The following SDC2 variants were observed in gnomAD, a reference collection of about 807,000 sequenced individuals.
The protein encoded by SDC2 is syndecan 2.
A neutral mutation model predicts 22.2 loss-of-function variants in SDC2; 13 were observed. The observed-to-expected ratio is 0.59, with a 90% CI of 0.38 to 0.93. SDC2 has a LOEUF of 0.93. Among genes scored for constraint, SDC2 ranks in the 40% least tolerant of loss-of-function variants. SDC2 has a pLI of 0.00. For synonymous variants in SDC2, 94 were observed against 92.8 expected, an observed-to-expected ratio of 1.01 and a Z score of -0.07; for missense variants, 235 against 246.8, an observed-to-expected ratio of 0.95 and a Z score of 0.32.
intron 2 of SDC2, among the ~76,000 whole-genome samples, chr8:96,599,177 G>A (rs1166996488): frequency 6.6e-6 from 1 of 151,990 alleles, no homozygotes; most frequent in Non-Finnish European, 1.5e-5. Context: ...TCCTGACCTC[G>A]TGACCCACCG....
At chr8:96,503,761 T>C (rs1813200285) in intron 1 of SDC2, among the ~76,000 whole-genome samples, 1 of 152,214 alleles carries the variant, frequency 6.6e-6, no homozygotes, top group South Asian at 2.1e-4. Context: ...GCACCAGAGC[T>C]AGATTGTTGT....
At chr8:96,567,042 T>TG (rs1814311721) in intron 1 of SDC2, among the ~76,000 whole-genome samples, 1 of 152,256 alleles carries the variant, frequency 6.6e-6, no homozygotes, top group South Asian at 2.1e-4. Flanking sequence ...TTAGTAGAGA[T>TG]GGGGTTTCGC....
At chr8:96,529,235 A>G (rs1310177100) in intron 1 of SDC2, 1 of 152,262 alleles carries the variant, frequency 6.6e-6, no homozygotes, top group African/African-American at 2.4e-5. Flanking sequence ...TGGACATCAC[A>G]GTGAACCATT....
At chr8:96,509,836 G>C (rs2130438298) in intron 1 of SDC2, among the ~76,000 whole-genome samples, 1 of 152,304 alleles carries the variant, frequency 6.6e-6, no homozygotes, top group East Asian at 1.9e-4. Flanking sequence ...TCTGCTGCCT[G>C]TCACAGTCTA....
chr8:96,546,467 G>A (rs909978135), intron 1 of SDC2, among the ~76,000 whole-genome samples: 3 of 152,068 alleles, frequency 2.0e-5, no homozygotes, highest in African/African-American at 7.2e-5. Flanking sequence ...ACAATAGCTT[G>A]AAGAACAAAG....
intron 1 of SDC2, among the ~76,000 whole-genome samples, chr8:96,518,430 G>A (rs60900059): frequency 0.016 from 2,357 of 149,364 alleles, 61 homozygotes; most frequent in African/African-American, 0.055. Context: ...GCGCGATCTC[G>A]GCCCACTGCA....
chr8:96,540,640 A>G (rs558325664), intron 1 of SDC2, among the ~76,000 whole-genome samples: 4 of 152,042 alleles, frequency 2.6e-5, no homozygotes, highest in African/African-American at 7.2e-5. Flanking sequence ...CTTTCCCCCA[A>G]CACTCCTTTT....
chr8:96,503,780 G>T (rs1467710604), intron 1 of SDC2, among the ~76,000 whole-genome samples: 1 of 152,160 alleles, frequency 6.6e-6, no homozygotes, highest in African/African-American at 2.4e-5. Context: ...GTTTAAGTAA[G>T]TTCTGCTGAT....
At chr8:96,529,140 A>G (rs999734801) in intron 1 of SDC2, 2 of 152,344 alleles carry the variant, frequency 1.3e-5, no homozygotes, top group South Asian at 2.1e-4. Flanking sequence ...TAGTACCACA[A>G]ATCACTCTCA....
At chr8:96,595,614 T>C (rs1814861363) in intron 2 of SDC2, among the ~76,000 whole-genome samples, 1 of 152,154 alleles carries the variant, frequency 6.6e-6, no homozygotes, top group Admixed American at 6.5e-5. Context: ...GATCTTAGAA[T>C]CCAAGAGTTG....
intron 1 of SDC2, among the ~76,000 whole-genome samples, chr8:96,564,722 G>A (rs892535558): frequency 6.6e-6 from 1 of 152,072 alleles, no homozygotes; most frequent in Admixed American, 6.5e-5. Flanking sequence ...AACTTTCCAA[G>A]AAAATACCTC....
intron 1 of SDC2, among the ~76,000 whole-genome samples, chr8:96,576,283 CT>C (rs1360909848): frequency 6.8e-6 from 1 of 148,142 alleles, no homozygotes; most frequent in South Asian, 2.1e-4. Flanking sequence ...TGCCTTCCAA[CT>C]TTTAAATTAT....
intron 1 of SDC2, among the ~76,000 whole-genome samples, chr8:96,558,760 T>C (rs1396980945): frequency 6.6e-6 from 1 of 152,062 alleles, no homozygotes; most frequent in African/African-American, 2.4e-5. Context: ...ATCCAAACCA[T>C]AAACTTTCTA....
chr8:96,597,536 G>A (rs1465087013), intron 2 of SDC2, among the ~76,000 whole-genome samples: 1 of 152,188 alleles, frequency 6.6e-6, no homozygotes, highest in East Asian at 1.9e-4. Flanking sequence ...CTTGTAACAT[G>A]AGAGAAAGAG....
chr8:96,607,878 G>C (rs766245573), intron 3 of SDC2, among the ~76,000 whole-genome samples: 4 of 152,138 alleles, frequency 2.6e-5, no homozygotes, highest in Non-Finnish European at 5.9e-5. Flanking sequence ...GTGGGGACAG[G>C]AAAAGCCCAG....
intron 1 of SDC2, among the ~76,000 whole-genome samples, chr8:96,543,211 C>T (rs544381068): frequency 6.6e-6 from 1 of 151,654 alleles, no homozygotes; most frequent in African/African-American, 2.4e-5. Context: ...AATGTGTATA[C>T]TCAGAGCTTC....
chr8:96,602,311 G>T (rs1259814695), intron 2 of SDC2, 84 bp from the exon 3 acceptor site: 2 of 1,370,460 alleles, frequency 1.5e-6, no homozygotes, highest in East Asian at 4.6e-5. Flanking sequence ...TTCTGTCAGT[G>T]TCAACGTCAG....
intron 2 of SDC2, among the ~76,000 whole-genome samples, chr8:96,598,359 C>T (rs1029429459): frequency 1.3e-5 from 2 of 152,104 alleles, no homozygotes; most frequent in African/African-American, 2.4e-5. Context: ...TGGTGGGTTA[C>T]GCCTGTAATC....
chr8:96,575,142 G>A (rs986341079), intron 1 of SDC2, among the ~76,000 whole-genome samples: 3 of 152,128 alleles, frequency 2.0e-5, no homozygotes, highest in African/African-American at 7.2e-5. Flanking sequence ...TGTGGCCTGG[G>A]GGTTGGGAAC....
Sources: allele counts gnomAD v4.1 joint callset (sites outside exome capture counted in the v4.1 genomes callset), GRCh38; gene constraint gnomAD v4.1.1; transcripts MANE v1.5; gene names NCBI Gene and HGNC (gene_info 2026-07-23, HGNC 2026-07-21).